Variants in LYST observed in about 807,000 individuals in gnomAD.
The protein encoded by LYST is lysosomal trafficking regulator.
In LYST, 192 loss-of-function variants were observed where a neutral mutation model predicts 413.6. That is an observed-to-expected ratio of 0.46 (90% CI 0.41 to 0.52). The LOEUF is 0.52. LYST is among the 20% of genes least tolerant of loss of function. The probability of loss-of-function intolerance (pLI) is 0.00; values close to 1 mark genes in which losing one functional copy is unlikely to be tolerated. For missense variants in LYST, 3,815 were observed against 4,499.9 expected (o/e 0.85, Z 4.35); for synonymous variants, 1,525 against 1,567.3 (o/e 0.97, Z 0.64).
intron 1 of LYST, among the ~76,000 whole-genome samples, chr1:235,864,979 T>C (rs1680324506): frequency 6.6e-6 from 1 of 152,164 alleles, no homozygotes; most frequent in African/African-American, 2.4e-5. Context: ...GGACTCCCCT[T>C]TCCACTGAGA....
intron 7 of LYST, 36 bp downstream of exon 7, chr1:235,804,468 T>G: frequency 6.4e-7 from 1 of 1,564,858 alleles, no homozygotes; most frequent in Non-Finnish European, 8.8e-7. Flanking sequence ...CTGCTGGTCA[T>G]ACCCAAAGAA....
chr1:235,691,042 G>A (rs916026951), intron 47 of LYST, among the ~76,000 whole-genome samples: 5 of 151,758 alleles, frequency 3.3e-5, no homozygotes, highest in East Asian at 3.9e-4. Context: ...TCAGCCTCCC[G>A]AGTAGCTGGG....
rs766785648 is a variant in LYST at position 235,809,127 on chromosome 1, G to A, written c.1691C>T (p.Ala564Val). Residue 564 changes from alanine (A) to valine (V), a missense_variant, in exon 5 of 53, where the codon GCT (alanine) becomes GTT (valine). Transcript: ENST00000389793. This position sits in a 1 kb window ranked among gnomAD's most constrained non-coding sequence, Gnocchi z 4.0. Reference sequence around the variant, plus strand: ...CTGGACACAAGTGCTGCTCAAGGAAGCCTGCTGTAGTAAGCGCAAGCACTG... The same window carrying A: ...CTGGACACAAGTGCTGCTCAAGGAAACCTGCTGTAGTAAGCGCAAGCACTG... ...AHQCLRLLQQ[A>V]SLSSTCVQIL... 1.9e-6 allele frequency: 3 copies of A among 1,613,968 alleles called. No individual in the cohort carries two copies. In the Admixed American group the frequency reaches 5.0e-5, roughly 27 times the overall value.
At position 235,709,128 on chromosome 1, in the gene LYST, T is replaced by C; in HGVS notation, c.10106A>G (p.Lys3369Arg). ...AACATTGATCGCTTGAACAGAAGCC[T>C]TCCCCTTTTGCTTATACCCAAACAC... ...DLVFGYKQKG[K>R]ASVQAINVFH... is the part of the protein sequence containing the mutation. Residue 3369 changes from lysine (K) to arginine (R), a missense_variant, in exon 44 of 53, where the codon AAG (lysine) becomes AGG (arginine). Physicochemically the swap from Lys to Arg is conservative, Grantham distance 26. This residue lies in a region of LYST where 866 missense variants were observed against 1,156.0 expected (regional missense o/e 0.75). Transcript: ENST00000389793. 6.2e-7 allele frequency: 1 copy of C among 1,614,128 alleles called. No homozygotes were observed. Among genetic ancestry groups the C allele is most frequent in the Non-Finnish European group, 8.5e-7 (1 of 1,179,998 alleles).
chr1:235,751,862 T>C, intron 27 of LYST, 143 bp downstream of exon 27: 1 of 682,184 alleles, frequency 1.5e-6, no homozygotes, highest in Non-Finnish European at 2.4e-6. Flanking sequence ...TTTAGGCTTC[T>C]TTTTAAAAAC....
At chr1:235,798,314 A>G (rs573918981) in intron 10 of LYST, among the ~76,000 whole-genome samples, 3 of 152,128 alleles carry the variant, frequency 2.0e-5, no homozygotes, top group Admixed American at 2.0e-4. Context: ...TAATAATAAC[A>G]TATCAATATA....
At chr1:235,786,789 G>A (rs1017216841) in intron 14 of LYST, among the ~76,000 whole-genome samples, 1 of 150,800 alleles carries the variant, frequency 6.6e-6, no homozygotes, top group East Asian at 2.0e-4. Context: ...CTCAGCAAAC[G>A]ATCGCAAGGA....
intron 48 of LYST, among the ~76,000 whole-genome samples, chr1:235,682,987 A>G (rs1351429364): frequency 6.6e-6 from 1 of 152,234 alleles, no homozygotes; most frequent in Non-Finnish European, 1.5e-5. Context: ...TCATTCTCCT[A>G]CTGACCACAG....
chr1:235,760,789 T>G (rs955812477), intron 22 of LYST, among the ~76,000 whole-genome samples: 1 of 152,242 alleles, frequency 6.6e-6, no homozygotes. Flanking sequence ...AATAGCTCCA[T>G]AGCTCAGAAT....
chr1:235,845,634 C>T (rs544593848), intron 1 of LYST, among the ~76,000 whole-genome samples: 21 of 115,808 alleles, frequency 1.8e-4, no homozygotes, highest in African/African-American at 7.1e-4. Flanking sequence ...AACAGACTCC[C>T]GGCAGTTAGG....
rs570225134 is a variant in LYST, at chr1:235,761,080, C to A, written c.6254-1481G>T. ...ACCAGCCTGGGCAAAAAGGCAAAAC[C>A]CTATCTCATTTATTTAAAAAAAATT... On this transcript the variant is annotated intron_variant, in intron 22 of 52. Transcript: ENST00000389793. Among the ~76,000 whole-genome samples the A allele has an allele frequency of 3.3e-5, 5 of 152,038 alleles. No individual in the cohort carries two copies. The East Asian group carries it at 9.6e-4, about 29-fold the overall frequency.
intron 2 of LYST, among the ~76,000 whole-genome samples, chr1:235,832,307 T>C (rs1173913397): frequency 6.6e-6 from 1 of 152,198 alleles, no homozygotes; most frequent in Non-Finnish European, 1.5e-5. Flanking sequence ...CATTGCAAGA[T>C]ACACTGCAAC....
Position 235,802,193 on chromosome 1 carries a change from CAAAAAAA to C in LYST, c.3712+708_3712+714del, listed in dbSNP as rs35511208. Among the ~76,000 whole-genome samples, 37 of 45,076 alleles carry C rather than the reference CAAAAAAA, an allele frequency of 8.2e-4. 1 individual carries two copies. Among genetic ancestry groups the C allele is most frequent in the Non-Finnish European group, 6.0e-4 (14 of 23,432 alleles). The allele number at this position is 45,076 out of a possible 152,430, so 29.6% of individuals were successfully genotyped here. On this transcript the variant is annotated intron_variant, in intron 8 of 52. Coordinates refer to ENST00000389793, the MANE Select transcript of LYST (RefSeq NM_000081.4). ...TGGGCGACAGAGCAAGACTCCATTT[CAAAAAAA>C]AAAAAAAAAAAAAAAAAAAACTAGC...
chr1:235,864,563 C>T (rs925655227), intron 1 of LYST, among the ~76,000 whole-genome samples: 2 of 152,198 alleles, frequency 1.3e-5, no homozygotes, highest in African/African-American at 4.8e-5. Context: ...GGTATCCCAG[C>T]TTCTGCTCCT....
chr1:235,770,390 T>C, intron 19 of LYST, 93 bp from the exon 20 acceptor site: 4 of 1,081,768 alleles, frequency 3.7e-6, no homozygotes, highest in South Asian at 1.3e-5. Flanking sequence ...CAATTTAACA[T>C]TGTGTATATA....
intron 1 of LYST, among the ~76,000 whole-genome samples, chr1:235,878,981 C>T (rs562214458): frequency 6.6e-6 from 1 of 152,130 alleles, no homozygotes; most frequent in Non-Finnish European, 1.5e-5. Context: ...GTACCCATCA[C>T]CTGAATAGTG....
intron 16 of LYST, among the ~76,000 whole-genome samples, chr1:235,779,318 A>C (rs1669626088): frequency 6.6e-6 from 1 of 152,242 alleles, no homozygotes; most frequent in Non-Finnish European, 1.5e-5. Context: ...TTTGTAACTT[A>C]TATGACCTAT....
Position 235,775,059 on chromosome 1 carries a change from T to A in LYST, c.5488A>T (p.Thr1830Ser). The A allele has an allele frequency of 6.2e-7, 1 of 1,611,894 alleles. No homozygotes were observed. Residue 1830 changes from threonine to serine, a missense_variant, in exon 18 of 53, where the codon ACT becomes TCT. By Grantham distance (58) the Thr-to-Ser change is moderately conservative (BLOSUM62 1). Transcript: ENST00000389793. The stretch of plus-strand genomic sequence containing the variant: ...ATAACTCGCAGTGCTAATGCTTGAG[T>A]TTCTTCACAGCTACTGAGTTCAACA... The part of the protein sequence containing the change: ...RVVELSSCEE[T>S]QALALRVILS...
At chr1:235,703,016 T>C in intron 44 of LYST, 39 bp from the exon 45 acceptor site, 1 of 1,399,940 alleles carries the variant, frequency 7.1e-7, no homozygotes, top group Non-Finnish European at 1.0e-6. Context: ...ACATATGTAG[T>C]AAAAAGAAAG....
Sources: allele counts gnomAD v4.1 joint callset (sites outside exome capture counted in the v4.1 genomes callset), GRCh38; gene constraint gnomAD v4.1.1; regional missense constraint gnomAD v4.1.1; non-coding constraint Gnocchi (gnomAD v3.1); transcripts MANE v1.5; gene names NCBI Gene and HGNC (gene_info 2026-07-23, HGNC 2026-07-21).